XYLT1: variants seen among roughly 807,000 people sequenced by gnomAD.
The protein encoded by XYLT1 is xylosyltransferase 1, also known as beta-D-xylosyltransferase 1.
A neutral mutation model predicts 91.3 loss-of-function variants in XYLT1; 36 were observed. The observed-to-expected ratio is 0.39, with a 90% CI of 0.30 to 0.52. XYLT1 has a LOEUF of 0.52. Among genes scored for constraint, XYLT1 ranks in the 20% least tolerant of loss-of-function variants. The pLI is 0.68. For synonymous variants in XYLT1, 588 were observed against 532.0 expected (o/e 1.11, Z -1.45); for missense variants, 1,242 against 1,284.5 (o/e 0.97, Z 0.51).
At chr16:17,222,298 A>G (rs1223682188) in intron 3 of XYLT1, among the ~76,000 whole-genome samples, 1 of 152,218 alleles carries the variant, frequency 6.6e-6, no homozygotes, top group Non-Finnish European at 1.5e-5. Context: ...GTCTGGAGAC[A>G]TTTTTATTTG....
At chr16:17,429,737 C>T (rs1416008184) in intron 1 of XYLT1, among the ~76,000 whole-genome samples, 1 of 152,082 alleles carries the variant, frequency 6.6e-6, no homozygotes, top group Middle Eastern at 3.2e-3. Context: ...ATTTTTCTTG[C>T]ATTACTGCGT....
At chr16:17,254,526 C>T (rs997109161) in intron 3 of XYLT1, among the ~76,000 whole-genome samples, 2 of 152,164 alleles carry the variant, frequency 1.3e-5, no homozygotes, top group African/African-American at 4.8e-5. Flanking sequence ...TCCCGAGTAG[C>T]TGGGATTACA....
chr16:17,111,767 T>C, intron 11 of XYLT1, among the ~76,000 whole-genome samples: 1 of 152,032 alleles, frequency 6.6e-6, no homozygotes, highest in East Asian at 1.9e-4. Flanking sequence ...TGGGCACAAG[T>C]GGGAGGAAGG....
intron 2 of XYLT1, among the ~76,000 whole-genome samples, chr16:17,262,012 C>T (rs1042741473): frequency 1.3e-5 from 2 of 152,134 alleles, no homozygotes; most frequent in African/African-American, 4.8e-5. Context: ...TCCTCTTTTC[C>T]CTTTTTTTCT....
At chr16:17,296,427 C>A (rs766278215) in intron 2 of XYLT1, among the ~76,000 whole-genome samples, 35 of 152,128 alleles carry the variant, frequency 2.3e-4, no homozygotes, top group Non-Finnish European at 4.7e-4. Flanking sequence ...TACAGCCTTG[C>A]CTAAATTTTG....
intron 3 of XYLT1, among the ~76,000 whole-genome samples, chr16:17,254,791 C>A (rs1406478855): frequency 6.6e-6 from 1 of 152,156 alleles, no homozygotes; most frequent in African/African-American, 2.4e-5. Context: ...TTTCAGTCAA[C>A]ACAGGCTATT....
In XYLT1 at chr16:17,470,812, G is replaced by C; in HGVS notation, c.-16C>G. 1 of 990,310 alleles carries C rather than the reference G, an allele frequency of 1.0e-6. No individual in the cohort carries two copies. The highest frequency in any genetic ancestry group is 4.5e-5 in the South Asian group (1 of 22,342). 61.3% of individuals were successfully genotyped at this position (990,310 alleles called of 1,614,324 possible). The stretch of plus-strand genomic sequence containing the variant: ...CCGCCACCATCTTCGGAGCGCGGCC[G>C]GCGAGCGAGGCGCGGGGACCCCGGC... On this transcript the variant is annotated 5_prime_UTR_variant, in exon 1 of 12. Coordinates refer to ENST00000261381, the MANE Select transcript of XYLT1 (RefSeq NM_022166.4).
chr16:17,130,174 G>A (rs550266583), intron 9 of XYLT1, among the ~76,000 whole-genome samples: 2 of 152,358 alleles, frequency 1.3e-5, no homozygotes, highest in East Asian at 3.9e-4. Context: ...GGACCACAGA[G>A]CCACCTCCCG....
At chr16:17,249,096 C>T (rs763744341) in intron 3 of XYLT1, among the ~76,000 whole-genome samples, 22 of 152,242 alleles carry the variant, frequency 1.4e-4, no homozygotes, top group Middle Eastern at 3.4e-3. Context: ...TCCCTGAGGA[C>T]GGGGATTCTA....
At chr16:17,217,320 C>T (rs1265739298) in intron 3 of XYLT1, among the ~76,000 whole-genome samples, 1 of 151,942 alleles carries the variant, frequency 6.6e-6, no homozygotes, top group African/African-American at 2.4e-5. Flanking sequence ...TCTCTGTCTA[C>T]AAAGATAATA....
chr16:17,419,899 T>A (rs2036230036), intron 1 of XYLT1, among the ~76,000 whole-genome samples: 1 of 152,284 alleles, frequency 6.6e-6, no homozygotes, highest in African/African-American at 2.4e-5. Context: ...AACCACTGGG[T>A]CACTCATAGC....
chr16:17,134,950 T>TTGAC (rs397705639), intron 8 of XYLT1, among the ~76,000 whole-genome samples: 1 of 152,032 alleles, frequency 6.6e-6, no homozygotes, highest in Non-Finnish European at 1.5e-5. Context: ...AAAGCAATGA[T>TTGAC]AGGCACTTAG....
intron 1 of XYLT1, among the ~76,000 whole-genome samples, chr16:17,389,571 C>T (rs955000929): frequency 6.6e-6 from 1 of 152,226 alleles, no homozygotes; most frequent in African/African-American, 2.4e-5. Flanking sequence ...TAGAACACTT[C>T]TGACTCACAC....
intron 6 of XYLT1, among the ~76,000 whole-genome samples, chr16:17,152,683 C>T (rs1273305911): frequency 6.6e-6 from 1 of 152,158 alleles, no homozygotes; most frequent in African/African-American, 2.4e-5. Context: ...AAAAGGGGAG[C>T]TAGGGAGGCA....
intron 3 of XYLT1, among the ~76,000 whole-genome samples, chr16:17,252,940 T>C (rs4782018): frequency 0.66 from 100,305 of 152,082 alleles, 35,377 homozygotes; most frequent in African/African-American, 0.92. Flanking sequence ...TGTGTATGCT[T>C]ATATGTATAT....
intron 2 of XYLT1, among the ~76,000 whole-genome samples, chr16:17,266,684 T>C (rs1264689910): frequency 6.6e-6 from 1 of 152,216 alleles, no homozygotes; most frequent in Non-Finnish European, 1.5e-5. Flanking sequence ...CCGCTCATCG[T>C]GATCAGTTTA....
At chr16:17,215,847 G>A (rs1448098365) in intron 3 of XYLT1, among the ~76,000 whole-genome samples, 1 of 152,162 alleles carries the variant, frequency 6.6e-6, no homozygotes, top group African/African-American at 2.4e-5. Flanking sequence ...GATGAGGATG[G>A]GCCGACAGCA....
intron 1 of XYLT1, among the ~76,000 whole-genome samples, chr16:17,424,427 C>T (rs1304171166): frequency 1.3e-5 from 2 of 152,134 alleles, no homozygotes; most frequent in African/African-American, 2.4e-5. Flanking sequence ...TATGAGAAGA[C>T]GATAGGCTTC....
chr16:17,138,746 T>C (rs1329145191), intron 7 of XYLT1: 2 of 531,360 alleles, frequency 3.8e-6, no homozygotes, highest in Non-Finnish European at 6.6e-6. Context: ...AGCCTCAGAT[T>C]TTCCTTCATA....
Sources: gnomAD v4.1 joint callset for allele counts (sites outside exome capture counted in the v4.1 genomes callset) on GRCh38, gnomAD v4.1.1 for gene constraint, MANE v1.5 for transcripts, NCBI Gene and HGNC (gene_info 2026-07-23, HGNC 2026-07-21) for gene names.